FOXA1: variants seen among roughly 807,000 people sequenced by gnomAD.
The protein encoded by FOXA1 is forkhead box A1.
Under a neutral mutation model 29.2 loss-of-function variants are expected in FOXA1, and 9 were observed. The observed-to-expected ratio is 0.31, with a 90% CI of 0.19 to 0.54. The LOEUF is 0.54. Ranked by LOEUF, FOXA1 falls within the 20% of genes least tolerant of loss-of-function variation. The pLI is 0.95. For missense variants in FOXA1, 644 were observed against 681.2 expected (o/e 0.95, Z 0.61); for synonymous variants, 340 against 300.9 (o/e 1.13, Z -1.34).
rs2095595467 is a variant in FOXA1 at position 37,591,533 on chromosome 14, G to T, written c.1251C>A (p.Phe417Leu). The T allele has an allele frequency of 1.2e-6, 2 of 1,614,230 alleles. No homozygotes were observed. Among genetic ancestry groups the T allele is most frequent in the African/African-American group, 1.3e-5 (1 of 75,062 alleles). Residue 417 changes from phenylalanine to leucine, a missense_variant, in exon 2 of 2, where the codon TTC becomes TTA. By Grantham distance (22) the Phe-to-Leu change is conservative. Transcript: ENST00000250448. ...ATTGCAGTGCCTGTTCGTATGCCTTGAAGTCCAGCTTATGCTGCTGCTCCG... is the reference window on the plus strand; with the variant it reads ...ATTGCAGTGCCTGTTCGTATGCCTTTAAGTCCAGCTTATGCTGCTGCTCCG... The part of the protein sequence containing the change: ...SSSEQQHKLD[F>L]KAYEQALQYS...
chr14:37,593,473 A>G (rs1456498153), intron 1 of FOXA1, among the ~76,000 whole-genome samples: 2 of 152,036 alleles, frequency 1.3e-5, no homozygotes, highest in Non-Finnish European at 2.9e-5. Context: ...ATTTGGTGAC[A>G]CAGTTTGTCA....
rs778522379 is a variant in FOXA1, at chr14:37,592,657, A to G, written c.127T>C (p.Ser43Pro). Residue 43 changes from serine to proline, a missense_variant, in exon 2 of 2, where the codon TCC (serine) becomes CCC (proline). Physicochemically the swap from Ser to Pro is moderately conservative, Grantham distance 74. Coordinates refer to ENST00000250448, the MANE Select transcript of FOXA1 (RefSeq NM_004496.5). ...TTCATGGTCATGTAGGTGTTCATGG[A>G]GTTCATGGAGCCCAGGCCTGAGTTC... Reference protein sequence around the residue: ...NMNSGLGSMNSMNTYMTMNTM... With the variant: ...NMNSGLGSMNPMNTYMTMNTM... 2.5e-5 allele frequency: 40 copies of G among 1,613,994 alleles called. No individual in the cohort carries two copies. Among genetic ancestry groups the G allele is most frequent in the Non-Finnish European group, 2.3e-5 (27 of 1,180,034 alleles).
At position 37,591,541 on chromosome 14, in the gene FOXA1, G is replaced by C. The variant is rs761880308; in HGVS notation, c.1243C>G (p.Leu415Val). Reference protein sequence around the residue: ...LMSSSEQQHKLDFKAYEQALQ... With the variant: ...LMSSSEQQHKVDFKAYEQALQ... ...GCCTGTTCGTATGCCTTGAAGTCCA[G>C]CTTATGCTGCTGCTCCGAGGAGGAC... Residue 415 changes from leucine (L) to valine (V), a missense_variant, in exon 2 of 2, where the codon CTG (leucine) becomes GTG (valine). Leu to Val is a conservative substitution (Grantham distance 32). Around this residue, in one of 5 missense-constraint regions of FOXA1, gnomAD observed 295 missense variants for 294.4 expected, o/e 1.00. Coordinates refer to ENST00000250448, the MANE Select transcript of FOXA1 (RefSeq NM_004496.5). The C allele has an allele frequency of 1.9e-6, 3 of 1,614,150 alleles. No individual in the cohort carries two copies. Among genetic ancestry groups the C allele is most frequent in the Admixed American group, 3.3e-5 (2 of 60,016 alleles).
chr14:37,591,731 A>C lies in FOXA1; in HGVS notation c.1053T>G (p.Thr351=). ...TGGGGGGCGCAGTTGAGGAGGCTGG[A>C]GTCTTCAACTCCGAGGCGCCCCCTG... is the stretch of plus-strand genomic sequence containing the variant. ...TATGGASELK[T]PASSTAPPIS... Residue 351 remains threonine, a synonymous_variant, in exon 2 of 2, where the codon ACT becomes ACG. Coordinates refer to ENST00000250448, the MANE Select transcript of FOXA1 (RefSeq NM_004496.5). 1 of 1,575,368 alleles carries C rather than the reference A, an allele frequency of 6.3e-7. No homozygotes were observed. The highest frequency in any genetic ancestry group is 8.6e-7 in the Non-Finnish European group (1 of 1,160,960).
intron 1 of FOXA1, chr14:37,594,190 AAT>A (rs1012549069): frequency 2.0e-5 from 26 of 1,287,748 alleles, no homozygotes; most frequent in Non-Finnish European, 2.5e-5. Context: ...TTTCCAGAAA[AAT>A]ACTTTTAATA....
At chr14:37,592,858 C>A (rs1441779992) in intron 1 of FOXA1, 147 bp from the exon 2 acceptor site, 1 of 923,242 alleles carries the variant, frequency 1.1e-6, no homozygotes, top group Non-Finnish European at 1.7e-6. Context: ...AATGGCTAAG[C>A]GCCCTCCCCA....
rs2139180932 is a variant in FOXA1 at position 37,591,831 on chromosome 14, C to T, written c.953G>A (p.Gly318Asp). The T allele has an allele frequency of 6.9e-7, 1 of 1,455,100 alleles. No homozygotes were observed. Among genetic ancestry groups the T allele is most frequent in the Non-Finnish European group, 9.0e-7 (1 of 1,108,688 alleles). The allele number at this position is 1,455,100 out of a possible 1,614,324, so 90.1% of individuals were successfully genotyped here. A position where few individuals can be genotyped will look rare whatever the true frequency, so the allele number is the denominator to read the frequency against. The change falls in exon 2 of 2, where the codon GGC (glycine) becomes GAC (aspartate). Residue 318 changes from glycine to aspartate, a missense_variant. This residue lies in a region of FOXA1 where 295 missense variants were observed against 294.4 expected (regional missense o/e 1.00). Coordinates refer to ENST00000250448, the MANE Select transcript of FOXA1 (RefSeq NM_004496.5). ...PLHRGVHGKT[G>D]QLEGAPAPGP... ...GGGGGCCGGCGCGCCCTCTAGCTGG[C>T]CGGTCTTCCCGTGCACACCCCGATG... is the stretch of plus-strand genomic sequence containing the variant.
At position 37,592,163 on chromosome 14, in the gene FOXA1, G is replaced by A. The variant is rs970920090; in HGVS notation, c.621C>T (p.Tyr207=). ...TCTGCCAGCGCTGCTGGTTCTGCCG[G>A]TAATAGGGGAAGAGGTCCATGATCC... The part of the protein sequence containing the change: ...YQWIMDLFPY[Y]RQNQQRWQNS... The change falls in exon 2 of 2, where the codon TAC becomes TAT. Residue 207 remains tyrosine, a synonymous_variant. Transcript: ENST00000250448. 4 of 1,613,530 alleles carry A rather than the reference G, an allele frequency of 2.5e-6. No individual in the cohort carries two copies. The highest frequency in any genetic ancestry group is 2.7e-5 in the African/African-American group (2 of 74,890).
In FOXA1 at chr14:37,592,640, C is replaced by T; in HGVS notation, c.144G>A (p.Met48Ile). 1 of 1,614,188 alleles carries T rather than the reference C, an allele frequency of 6.2e-7. No homozygotes were observed. The highest frequency in any genetic ancestry group is 1.1e-5 in the South Asian group (1 of 91,074). The change falls in exon 2 of 2, where the codon ATG (methionine) becomes ATA (isoleucine). Residue 48 changes from methionine (M) to isoleucine (I), a missense_variant. Met to Ile is a conservative substitution (Grantham distance 10). Transcript: ENST00000250448. Reference sequence around the variant, plus strand: ...CGCTCGTAGTCATGGTGTTCATGGTCATGTAGGTGTTCATGGAGTTCATGG... The same window carrying T: ...CGCTCGTAGTCATGGTGTTCATGGTTATGTAGGTGTTCATGGAGTTCATGG... ...LGSMNSMNTYMTMNTMTTSGN... is the reference protein window; with the variant it reads ...LGSMNSMNTYITMNTMTTSGN...
rs2095594769 is a variant in FOXA1, at chr14:37,590,816, A to C, written c.*549T>G. The C allele has an allele frequency of 4.0e-6, 1 of 249,602 alleles. No homozygotes were observed. The highest frequency in any genetic ancestry group is 4.9e-5 in the Admixed American group (1 of 20,572). The allele number at this position is 249,602 out of a possible 1,614,324, so 15.5% of individuals were successfully genotyped here. ...TGGCTCTGATGTTTATAATCTGTTT[A>C]TGTCTTGCTATATAACAGCAGTATT... On this transcript the variant is annotated 3_prime_UTR_variant, in exon 2 of 2. Transcript: ENST00000250448.
chr14:37,592,810 A>T, intron 1 of FOXA1, 99 bp from the exon 2 acceptor site: 1 of 1,447,726 alleles, frequency 6.9e-7, no homozygotes, highest in Non-Finnish European at 9.6e-7. Context: ...GCAAGTGCAG[A>T]GCACTTTGCA....
Position 37,595,146 on chromosome 14 carries a change from G to A in FOXA1, c.-174C>T, listed in dbSNP as rs2095601238. ...AGAGCTGCGGGGCGCGGCGTGCGCG[G>A]CGGCGGCGGCGGCGCGGCGGGCGGG... is the stretch of plus-strand genomic sequence containing the variant. On this transcript the variant is annotated 5_prime_UTR_variant, in exon 1 of 2. Coordinates refer to ENST00000250448, the MANE Select transcript of FOXA1 (RefSeq NM_004496.5). The A allele has an allele frequency of 3.2e-5, 2 of 62,378 alleles. No homozygotes were observed. The highest frequency in any genetic ancestry group is 8.8e-4 in the South Asian group (2 of 2,280). 3.9% of individuals were successfully genotyped at this position (62,378 alleles called of 1,614,324 possible). A position where few individuals can be genotyped will look rare whatever the true frequency, so the allele number is the denominator to read the frequency against.
Position 37,592,629 on chromosome 14 carries a change from G to C in FOXA1, c.155C>G (p.Thr52Ser). The C allele has an allele frequency of 1.9e-6, 3 of 1,614,220 alleles. No individual in the cohort carries two copies. The highest frequency in any genetic ancestry group is 2.5e-6 in the Non-Finnish European group (3 of 1,180,044). ...NSMNTYMTMN[T>S]MTTSGNMTPA... Reference sequence around the variant, plus strand: ...GGTCATGTTGCCGCTCGTAGTCATGGTGTTCATGGTCATGTAGGTGTTCAT... The same window carrying C: ...GGTCATGTTGCCGCTCGTAGTCATGCTGTTCATGGTCATGTAGGTGTTCAT... The change falls in exon 2 of 2, where the codon ACC becomes AGC. Residue 52 changes from threonine to serine, a missense_variant. Physicochemically the swap from Thr to Ser is moderately conservative, Grantham distance 58. Transcript: ENST00000250448.
intron 1 of FOXA1, among the ~76,000 whole-genome samples, 195 bp from the exon 2 acceptor site, chr14:37,592,906 C>T (rs1182016502): frequency 2.0e-5 from 3 of 152,236 alleles, no homozygotes; most frequent in South Asian, 2.1e-4. Flanking sequence ...GGGGGAAAAT[C>T]CTAGCGCGGC....
chr14:37,590,400 T>C lies in FOXA1; in HGVS notation c.*965A>G, dbSNP rs1017189793. ...ACTTATCTCTCCTCCAACATTGTAA[T>C]ATTCCCTTTTACTGAAAAAAAAATT... On this transcript the variant is annotated 3_prime_UTR_variant, in exon 2 of 2. Coordinates refer to ENST00000250448, the MANE Select transcript of FOXA1 (RefSeq NM_004496.5). 3 of 229,344 alleles carry C rather than the reference T, an allele frequency of 1.3e-5. No individual in the cohort carries two copies. Among genetic ancestry groups the C allele is most frequent in the Non-Finnish European group, 2.6e-5 (3 of 115,754 alleles). 14.2% of individuals were successfully genotyped at this position (229,344 alleles called of 1,614,324 possible). A position where few individuals can be genotyped will look rare whatever the true frequency, so the allele number is the denominator to read the frequency against.
Position 37,590,561 on chromosome 14 carries a change from T to G in FOXA1, c.*804A>C, listed in dbSNP as rs2095594580. The G allele has an allele frequency of 8.8e-6, 2 of 226,998 alleles. No homozygotes were observed. Among genetic ancestry groups the G allele is most frequent in the Non-Finnish European group, 8.8e-6 (1 of 114,174 alleles). 14.1% of individuals were successfully genotyped at this position (226,998 alleles called of 1,614,324 possible). A position where few individuals can be genotyped will look rare whatever the true frequency, so the allele number is the denominator to read the frequency against. On this transcript the variant is annotated 3_prime_UTR_variant, in exon 2 of 2. Transcript: ENST00000250448. ...TGAGGAATTGATTCCCAGGGCCATC[T>G]GTGGGTAGAGAGGACAAAGGGGTTG...
chr14:37,590,552 A>T lies in FOXA1; in HGVS notation c.*813T>A. 4.4e-6 allele frequency: 1 copy of T among 226,760 alleles called. No homozygotes were observed. Among genetic ancestry groups the T allele is most frequent in the Non-Finnish European group, 8.8e-6 (1 of 114,054 alleles). The allele number at this position is 226,760 out of a possible 1,614,324, so 14.0% of individuals were successfully genotyped here. A position where few individuals can be genotyped will look rare whatever the true frequency, so the allele number is the denominator to read the frequency against. On this transcript the variant is annotated 3_prime_UTR_variant, in exon 2 of 2. Transcript: ENST00000250448. ...GGCAATTCCTGAGGAATTGATTCCC[A>T]GGGCCATCTGTGGGTAGAGAGGACA...
At chr14:37,594,664 A>G (rs1342669760) in intron 1 of FOXA1, 1 of 220,634 alleles carries the variant, frequency 4.5e-6, no homozygotes, top group East Asian at 9.7e-5. Context: ...CAAAGCCCGG[A>G]GTTTCCTAAA....
At position 37,594,270 on chromosome 14, in the gene FOXA1, A is replaced by G. The variant is rs890044607; in HGVS notation, c.72+631T>C. On this transcript the variant is annotated intron_variant, in intron 1 of 1. Coordinates refer to ENST00000250448, the MANE Select transcript of FOXA1 (RefSeq NM_004496.5). Reference sequence around the variant, plus strand: ...TGTGCACATTGTAAAAATAACCCCCATGAACGTGCCACCAAGGGGACAATG... The same window carrying G: ...TGTGCACATTGTAAAAATAACCCCCGTGAACGTGCCACCAAGGGGACAATG... The G allele has an allele frequency of 6.5e-6, 8 of 1,239,046 alleles. No homozygotes were observed. In the Admixed American group the frequency reaches 2.1e-4, roughly 32 times the overall value. The allele number at this position is 1,239,046 out of a possible 1,614,324, so 76.8% of individuals were successfully genotyped here.
Sources: allele counts gnomAD v4.1 joint callset (sites outside exome capture counted in the v4.1 genomes callset), GRCh38; gene constraint gnomAD v4.1.1; regional missense constraint gnomAD v4.1.1; transcripts MANE v1.5; gene names NCBI Gene and HGNC (gene_info 2026-07-23, HGNC 2026-07-21).